Variants in BORCS5 observed in about 807,000 individuals in gnomAD.
BORCS5 encodes BLOC-1 related complex subunit 5.
BORCS5 carries 17 observed loss-of-function variants against 22.1 expected under a neutral mutation model. That is an observed-to-expected ratio of 0.77 (90% CI 0.53 to 1.15). The LOEUF (loss-of-function observed/expected upper bound fraction) is 1.15. Among genes scored for constraint, BORCS5 ranks in the 50% most tolerant of loss-of-function variants. BORCS5 has a pLI of 0.00. For synonymous variants in BORCS5, 117 were observed against 99.8 expected (o/e 1.17, Z -1.03); for missense variants, 247 against 253.2 (o/e 0.98, Z 0.17).
At position 12,357,195 on chromosome 12, in the gene BORCS5, C is replaced by G. The variant is rs1031975607; in HGVS notation, c.-257C>G. On this transcript the variant is annotated 5_prime_UTR_variant, in exon 1 of 4. Coordinates refer to ENST00000314565, the MANE Select transcript of BORCS5 (RefSeq NM_058169.6). ...CATCTGCCGGTTCTCTTAGGGCTCC[C>G]GGAAAGAAGGAGGGCTAGCCGCGTG... The G allele has an allele frequency of 6.5e-5, 99 of 1,513,670 alleles. No individual in the cohort carries two copies. In the South Asian group the frequency reaches 9.5e-4, roughly 15 times the overall value. 93.8% of individuals were successfully genotyped at this position (1,513,670 alleles called of 1,614,324 possible).
intron 2 of BORCS5, among the ~76,000 whole-genome samples, chr12:12,416,118 T>C (rs1229768046): frequency 6.6e-6 from 1 of 152,202 alleles, no homozygotes; most frequent in Non-Finnish European, 1.5e-5. Flanking sequence ...GCTGTACAAT[T>C]ACTCATAGTA....
In BORCS5 at chr12:12,471,096, A is replaced by G. The variant is rs1437470223; in HGVS notation, c.*5320A>G. On this transcript the variant is annotated 3_prime_UTR_variant, in exon 4 of 4. Transcript: ENST00000314565. Reference sequence around the variant, plus strand: ...CTGTCACATTGCTTCTACCGGCCACATCCTGCATTTCCTGTGGGACAGCAT... The same window carrying G: ...CTGTCACATTGCTTCTACCGGCCACGTCCTGCATTTCCTGTGGGACAGCAT... Among the ~76,000 whole-genome samples the G allele has an allele frequency of 6.6e-6, 1 of 152,204 alleles. No homozygotes were observed. The highest frequency in any genetic ancestry group is 1.5e-5 in the Non-Finnish European group (1 of 68,042).
intron 2 of BORCS5, among the ~76,000 whole-genome samples, chr12:12,419,584 G>A (rs1429130214): frequency 2.0e-5 from 3 of 152,318 alleles, no homozygotes; most frequent in African/African-American, 7.2e-5. Flanking sequence ...TGGGTCAAAT[G>A]TTATTTCTAG....
chr12:12,451,659 G>A (rs1319522074), intron 3 of BORCS5, among the ~76,000 whole-genome samples: 7 of 152,256 alleles, frequency 4.6e-5, no homozygotes, highest in East Asian at 3.9e-4. Flanking sequence ...CGAGGCGGGC[G>A]GATCACGAGG....
At chr12:12,409,289 T>A (rs1941662884) in intron 2 of BORCS5, among the ~76,000 whole-genome samples, 1 of 152,208 alleles carries the variant, frequency 6.6e-6, no homozygotes, top group Non-Finnish European at 1.5e-5. Flanking sequence ...GTTACATATG[T>A]ATACATGTGC....
chr12:12,365,154 G>T (rs1222115311), intron 2 of BORCS5, among the ~76,000 whole-genome samples: 1 of 152,090 alleles, frequency 6.6e-6, no homozygotes, highest in African/African-American at 2.4e-5. Flanking sequence ...TTGAGAATAG[G>T]TGAGGAAGGA....
intron 2 of BORCS5, among the ~76,000 whole-genome samples, chr12:12,435,119 A>G (rs1942526167): frequency 6.6e-6 from 1 of 152,196 alleles, no homozygotes; most frequent in Non-Finnish European, 1.5e-5. Context: ...TACTTGTTAA[A>G]TGTCTCCATT....
rs147282341 is a variant in BORCS5 at position 12,463,375 on chromosome 12, G to A, written c.361-2171G>A. Among the ~76,000 whole-genome samples the A allele has an allele frequency of 7.1e-4, 108 of 152,192 alleles. 1 individual carries two copies. The highest frequency in any genetic ancestry group is 2.6e-3 in the African/African-American group (106 of 41,512). On this transcript the variant is annotated intron_variant, in intron 3 of 3. Coordinates refer to ENST00000314565, the MANE Select transcript of BORCS5 (RefSeq NM_058169.6). ...AAAGAATGGGGGAAACATTTAAAAG[G>A]TAATAACTTTCCCTACATGTGATCT...
chr12:12,419,198 C>G (rs1255231905), intron 2 of BORCS5, among the ~76,000 whole-genome samples: 1 of 152,152 alleles, frequency 6.6e-6, no homozygotes. Flanking sequence ...TCCGCCAGCT[C>G]CTCACTCCCT....
chr12:12,358,633 G>A (rs1364225736), intron 1 of BORCS5, among the ~76,000 whole-genome samples: 1 of 152,150 alleles, frequency 6.6e-6, no homozygotes, highest in African/African-American at 2.4e-5. Context: ...AACAGCATTC[G>A]AGCATTTCCG....
intron 2 of BORCS5, among the ~76,000 whole-genome samples, chr12:12,412,129 T>C (rs942209218): frequency 5.9e-5 from 9 of 152,244 alleles, no homozygotes; most frequent in African/African-American, 2.2e-4. Context: ...ATATGAATTT[T>C]TGGATGGATC....
At chr12:12,422,751 C>T (rs1942168144) in intron 2 of BORCS5, among the ~76,000 whole-genome samples, 1 of 152,086 alleles carries the variant, frequency 6.6e-6, no homozygotes, top group African/African-American at 2.4e-5. Flanking sequence ...TATCTTTATA[C>T]AGGGTGTGTC....
chr12:12,363,814 C>T (rs866555287), intron 2 of BORCS5, among the ~76,000 whole-genome samples: 46 of 151,810 alleles, frequency 3.0e-4, no homozygotes, highest in Non-Finnish European at 1.3e-4. Context: ...AGGAGAATTG[C>T]TAGAACCAGG....
intron 2 of BORCS5, among the ~76,000 whole-genome samples, chr12:12,373,573 A>G (rs1863577439): frequency 6.6e-6 from 1 of 152,200 alleles, no homozygotes; most frequent in Admixed American, 6.5e-5. Flanking sequence ...CCTTAAAAAA[A>G]TGCTTTTTAA....
chr12:12,454,646 T>C (rs1942967790), intron 3 of BORCS5, among the ~76,000 whole-genome samples: 1 of 152,200 alleles, frequency 6.6e-6, no homozygotes, highest in Non-Finnish European at 1.5e-5. Flanking sequence ...TATGTAGCAG[T>C]TTTCTTTTAA....
At chr12:12,387,916 T>C (rs1308798365) in intron 2 of BORCS5, among the ~76,000 whole-genome samples, 2 of 151,464 alleles carry the variant, frequency 1.3e-5, no homozygotes, top group East Asian at 1.9e-4. Flanking sequence ...ACTCAAGTCA[T>C]TAAAGAATGT....
At chr12:12,460,739 A>G (rs761218043) in intron 3 of BORCS5, among the ~76,000 whole-genome samples, 4 of 152,222 alleles carry the variant, frequency 2.6e-5, no homozygotes, top group East Asian at 1.9e-4. Flanking sequence ...CATTGAGACA[A>G]TCATAGATTT....
At chr12:12,414,169 C>A (rs1206528148) in intron 2 of BORCS5, among the ~76,000 whole-genome samples, 2 of 100,604 alleles carry the variant, frequency 2.0e-5, no homozygotes, top group Non-Finnish European at 4.2e-5. Flanking sequence ...CTGACCCCCC[C>A]ACCTCCCTCC....
At chr12:12,428,427 T>C (rs1942342502) in intron 2 of BORCS5, among the ~76,000 whole-genome samples, 1 of 152,254 alleles carries the variant, frequency 6.6e-6, no homozygotes, top group African/African-American at 2.4e-5. Context: ...TCCTCATTTT[T>C]GTATAAGCAA....
Sources: allele counts gnomAD v4.1 joint callset (sites outside exome capture counted in the v4.1 genomes callset), GRCh38; gene constraint gnomAD v4.1.1; transcripts MANE v1.5; gene names NCBI Gene and HGNC (gene_info 2026-07-23, HGNC 2026-07-21).